The following ATP11A variants were observed in gnomAD, a reference collection of about 807,000 sequenced individuals.
ATP11A encodes the protein ATPase phospholipid transporting 11A.
Under a neutral mutation model 154.4 loss-of-function variants are expected in ATP11A, and 81 were observed. The observed-to-expected ratio is 0.52, with a 90% CI of 0.44 to 0.63. The LOEUF (loss-of-function observed/expected upper bound fraction) is 0.63, where lower values mean the gene tolerates loss of function less well. ATP11A is among the 30% of genes least tolerant of loss of function. The pLI, the probability that ATP11A is intolerant of heterozygous loss-of-function variation, is 0.00. For synonymous variants in ATP11A, 623 were observed against 585.9 expected (o/e 1.06, Z -0.91); for missense variants, 1,316 against 1,474.3 (o/e 0.89, Z 1.76).
chr13:112,748,470 A>G (rs1004790733), intron 1 of ATP11A, among the ~76,000 whole-genome samples: 6 of 152,106 alleles, frequency 3.9e-5, no homozygotes, highest in African/African-American at 1.2e-4. Context: ...GGCTCAAGCA[A>G]TCCTCCCATC....
intron 2 of ATP11A, among the ~76,000 whole-genome samples, chr13:112,793,849 A>G (rs936075789): frequency 6.6e-6 from 1 of 152,218 alleles, no homozygotes. Flanking sequence ...AGGCCAGGTG[A>G]GGCCATGCTC....
chr13:112,812,199 T>G (rs748637644), intron 5 of ATP11A: 1 of 152,242 alleles, frequency 6.6e-6, no homozygotes, highest in Non-Finnish European at 1.5e-5. Context: ...GAAGCACCTT[T>G]ATAGGTAGAA....
At chr13:112,860,190 T>C in intron 23 of ATP11A, 97 bp from the exon 24 acceptor site, 2 of 1,410,598 alleles carry the variant, frequency 1.4e-6, no homozygotes, top group Admixed American at 4.0e-5. Context: ...CTCTGGTCTT[T>C]CTATGCATTT....
intron 1 of ATP11A, among the ~76,000 whole-genome samples, chr13:112,773,674 C>T (rs1183967540): frequency 6.6e-6 from 1 of 152,262 alleles, no homozygotes; most frequent in Non-Finnish European, 1.5e-5. Context: ...CTGGTCCTTC[C>T]TCAACACTGT....
chr13:112,734,132 C>T (rs1210791576), intron 1 of ATP11A, among the ~76,000 whole-genome samples: 2 of 152,140 alleles, frequency 1.3e-5, no homozygotes, highest in African/African-American at 2.4e-5. Flanking sequence ...CTGGGCTTCA[C>T]TAACTGTGCT....
chr13:112,691,229 C>T (rs959363509), intron 1 of ATP11A, among the ~76,000 whole-genome samples: 1 of 152,048 alleles, frequency 6.6e-6, no homozygotes, highest in African/African-American at 2.4e-5. Flanking sequence ...CTTTTGGAGG[C>T]CGAGGCGGGC....
At chr13:112,756,279 C>T (rs2076830686) in intron 1 of ATP11A, among the ~76,000 whole-genome samples, 1 of 152,210 alleles carries the variant, frequency 6.6e-6, no homozygotes, top group South Asian at 2.1e-4. Flanking sequence ...CGACCTCTGA[C>T]CCCAAATAAC....
At chr13:112,775,094 G>T (rs1377724084) in intron 1 of ATP11A, among the ~76,000 whole-genome samples, 1 of 152,294 alleles carries the variant, frequency 6.6e-6, no homozygotes, top group Admixed American at 6.5e-5. Flanking sequence ...GGCCTTGCTT[G>T]CACTGGCTTA....
chr13:112,734,807 G>T lies in ATP11A; in HGVS notation c.39+44352G>T, dbSNP rs72660019. Among the ~76,000 whole-genome samples the T allele has an allele frequency of 3.8e-3, 581 of 152,252 alleles. 5 individuals carry two copies. The highest frequency in any genetic ancestry group is 0.029 in the South Asian group (142 of 4,822). On this transcript the variant is annotated intron_variant, in intron 1 of 29. Coordinates refer to ENST00000375645, the MANE Select transcript of ATP11A (RefSeq NM_015205.3). The stretch of plus-strand genomic sequence containing the variant: ...GGGGGATCACTATGGTGCCTGGTGG[G>T]GTGGCAGGTGCCTCCTCCTGAGGCA...
chr13:112,880,885 C>T lies in ATP11A; in HGVS notation c.*10-991C>T, dbSNP rs910583068. ...CGTGTGCACACTCACCCCACACGCA[C>T]GGCACACAGCCTGACCAGACCCAGC... On this transcript the variant is annotated intron_variant, in intron 29 of 29. Coordinates refer to ENST00000375645, the MANE Select transcript of ATP11A (RefSeq NM_015205.3). 5 of 1,019,994 alleles carry T rather than the reference C, an allele frequency of 4.9e-6. No homozygotes were observed. In the East Asian group the frequency reaches 3.0e-4, roughly 62 times the overall value. The allele number at this position is 1,019,994 out of a possible 1,614,324, so 63.2% of individuals were successfully genotyped here.
chr13:112,880,734 C>T, intron 29 of ATP11A: 4 of 1,181,528 alleles, frequency 3.4e-6, no homozygotes, highest in African/African-American at 1.6e-5. Flanking sequence ...GCTGTGCTGT[C>T]TTTGATAACA....
chr13:112,783,940 C>A (rs1428392147), intron 1 of ATP11A, among the ~76,000 whole-genome samples: 1 of 152,212 alleles, frequency 6.6e-6, no homozygotes, highest in African/African-American at 2.4e-5. Flanking sequence ...GAGAGCCTTC[C>A]TGTTCCTGAG....
intron 8 of ATP11A, among the ~76,000 whole-genome samples, chr13:112,820,505 CCAG>C (rs2078770224): frequency 6.6e-6 from 1 of 152,148 alleles, no homozygotes; most frequent in Non-Finnish European, 1.5e-5. Context: ...CAGCATGGAC[CCAG>C]CGGCAGTCAC....
Position 112,883,138 on chromosome 13 carries a change from TCTCGTCCCCTTGTCCCGTCCCCACATACC to T in ATP11A, c.*1282_*1310del. 2.6e-6 allele frequency: 1 copy of T among 381,012 alleles called. No individual in the cohort carries two copies. The highest frequency in any genetic ancestry group is 4.6e-6 in the Non-Finnish European group (1 of 219,208). 23.6% of individuals were successfully genotyped at this position (381,012 alleles called of 1,614,324 possible). Reference sequence around the variant, plus strand: ...CCCTCGTCTCCTCATCCCCACGTCCTCTCGTCCCCTTGTCCCGTCCCCACATACCCTCGTCCCCATGTCCCCACGCAGGG... The same window carrying T: ...CCCTCGTCTCCTCATCCCCACGTCCTCTCGTCCCCATGTCCCCACGCAGGG... On this transcript the variant is annotated 3_prime_UTR_variant, in exon 30 of 30. Transcript: ENST00000375645.
At chr13:112,800,017 T>C (rs1244053740) in intron 2 of ATP11A, among the ~76,000 whole-genome samples, 1 of 152,050 alleles carries the variant, frequency 6.6e-6, no homozygotes, top group Non-Finnish European at 1.5e-5. Context: ...TCAAATCTTG[T>C]GGGATGCAGG....
intron 1 of ATP11A, among the ~76,000 whole-genome samples, chr13:112,724,763 G>A (rs1396923932): frequency 6.6e-6 from 1 of 152,128 alleles, no homozygotes; most frequent in African/African-American, 2.4e-5. Context: ...GGTCCACAGG[G>A]GCTCTTGGTG....
intron 22 of ATP11A, 42 bp downstream of exon 22, chr13:112,858,332 T>C (rs758786196): frequency 6.3e-7 from 1 of 1,581,750 alleles, no homozygotes; most frequent in Non-Finnish European, 8.6e-7. Flanking sequence ...TAGCAACAGG[T>C]CACGCACAGG....
At chr13:112,862,648 G>A (rs1243223932) in intron 25 of ATP11A, 73 bp downstream of exon 25, 11 of 1,598,564 alleles carry the variant, frequency 6.9e-6, no homozygotes, top group African/African-American at 1.3e-5. Flanking sequence ...TGATGATTTT[G>A]CCAAAGCAGA....
In ATP11A at chr13:112,825,417, C is replaced by T. The variant is rs2078907423; in HGVS notation, c.873-13C>T. The T allele has an allele frequency of 6.2e-7, 1 of 1,603,366 alleles. No homozygotes were observed. The highest frequency in any genetic ancestry group is 8.5e-7 in the Non-Finnish European group (1 of 1,174,418). On this transcript the variant is annotated splice_polypyrimidine_tract_variant and intron_variant, in intron 10 of 29. Coordinates refer to ENST00000375645, the MANE Select transcript of ATP11A (RefSeq NM_015205.3). The stretch of plus-strand genomic sequence containing the variant: ...CTCAGGGACCAGTGATCACCTCTGT[C>T]CTTTTGTTTTAGATCGATGAATGCG...
Sources: allele counts gnomAD v4.1 joint callset (sites outside exome capture counted in the v4.1 genomes callset), GRCh38; gene constraint gnomAD v4.1.1; transcripts MANE v1.5; gene names NCBI Gene and HGNC (gene_info 2026-07-23, HGNC 2026-07-21).